The following DLG2 variants were observed in gnomAD, a reference collection of about 807,000 sequenced individuals.
DLG2 encodes the protein disks large homolog 2.
In DLG2, 45 loss-of-function variants were observed where a neutral mutation model predicts 132.5. The observed-to-expected ratio is 0.34, with a 90% CI of 0.27 to 0.44. The LOEUF (loss-of-function observed/expected upper bound fraction) is 0.44. Among genes scored for constraint, DLG2 ranks in the 20% least tolerant of loss-of-function variants. The pLI, the probability that DLG2 is intolerant of heterozygous loss-of-function variation, is 1.00. For missense variants in DLG2, 1,045 were observed against 1,196.9 expected, an observed-to-expected ratio of 0.87 and a Z score of 1.87; for synonymous variants, 424 against 419.6, an observed-to-expected ratio of 1.01 and a Z score of -0.13.
At chr11:83,792,939 T>A (rs959498805) in intron 17 of DLG2, among the ~76,000 whole-genome samples, 13 of 152,194 alleles carry the variant, frequency 8.5e-5, no homozygotes, top group African/African-American at 2.7e-4. Context: ...CTCACACTCT[T>A]GTAATAGTTA....
intron 6 of DLG2, among the ~76,000 whole-genome samples, chr11:84,978,107 T>G (rs533644475): frequency 6.6e-6 from 1 of 152,240 alleles, no homozygotes; most frequent in Admixed American, 6.5e-5. Context: ...TTTGTTAAGG[T>G]ACACTGAAAA....
At chr11:83,492,089 A>G (rs1288747907) in intron 21 of DLG2, among the ~76,000 whole-genome samples, 1 of 152,038 alleles carries the variant, frequency 6.6e-6, no homozygotes, top group South Asian at 2.1e-4. Flanking sequence ...TGGCCTGCAA[A>G]GCCTAAAATA....
At chr11:84,087,063 G>A (rs1052622607) in intron 10 of DLG2, among the ~76,000 whole-genome samples, 6 of 152,148 alleles carry the variant, frequency 3.9e-5, no homozygotes, top group African/African-American at 1.2e-4. Context: ...CCCATCAATG[G>A]ACATTTGGGT....
chr11:85,494,495 T>C (rs1329971135), intron 3 of DLG2, among the ~76,000 whole-genome samples: 1 of 151,964 alleles, frequency 6.6e-6, no homozygotes, highest in Non-Finnish European at 1.5e-5. Flanking sequence ...ACAAACAAGA[T>C]TAAAAAAAAG....
intron 6 of DLG2, among the ~76,000 whole-genome samples, chr11:84,726,481 T>C (rs755535389): frequency 5.3e-5 from 8 of 152,178 alleles, no homozygotes; most frequent in Non-Finnish European, 1.0e-4. Context: ...CCATGGTGTA[T>C]ATGTGCCACA....
intron 6 of DLG2, among the ~76,000 whole-genome samples, chr11:84,843,936 A>T (rs945787611): frequency 6.6e-6 from 1 of 150,824 alleles, no homozygotes; most frequent in Non-Finnish European, 1.5e-5. Context: ...TGTTCCCATT[A>T]TATGTCCTAT....
intron 8 of DLG2, among the ~76,000 whole-genome samples, chr11:84,223,884 A>G (rs1358692445): frequency 6.6e-6 from 1 of 152,118 alleles, no homozygotes; most frequent in African/African-American, 2.4e-5. Flanking sequence ...ATCATGCACA[A>G]ATATAAAGAC....
At chr11:83,869,139 G>A (rs2062946057) in intron 16 of DLG2, among the ~76,000 whole-genome samples, 1 of 152,096 alleles carries the variant, frequency 6.6e-6, no homozygotes, top group Non-Finnish European at 1.5e-5. Flanking sequence ...AGTAAGAAAT[G>A]TTAGATCTGG....
chr11:83,786,087 T>A (rs1566956647), intron 18 of DLG2, among the ~76,000 whole-genome samples: 1 of 152,362 alleles, frequency 6.6e-6, no homozygotes, highest in East Asian at 1.9e-4. Flanking sequence ...CGGAAACAGA[T>A]GTTTAAATAA....
At chr11:84,769,588 G>C (rs1039323026) in intron 6 of DLG2, among the ~76,000 whole-genome samples, 2 of 152,150 alleles carry the variant, frequency 1.3e-5, no homozygotes, top group Non-Finnish European at 2.9e-5. Context: ...CACTGATCTT[G>C]CTAGAGAGGT....
chr11:84,233,166 C>T (rs2097115571), intron 8 of DLG2, among the ~76,000 whole-genome samples: 2 of 152,114 alleles, frequency 1.3e-5, no homozygotes, highest in South Asian at 4.1e-4. Flanking sequence ...GAGACCTCCT[C>T]CCTAGCCACA....
chr11:83,520,075 C>T (rs1004184248), intron 21 of DLG2, among the ~76,000 whole-genome samples: 2 of 152,158 alleles, frequency 1.3e-5, no homozygotes, highest in Admixed American at 1.3e-4. Context: ...CAGGAAAAAC[C>T]ACCACATCAA....
At chr11:84,314,781 T>C (rs918198219) in intron 7 of DLG2, among the ~76,000 whole-genome samples, 1 of 151,812 alleles carries the variant, frequency 6.6e-6, no homozygotes, top group African/African-American at 2.4e-5. Flanking sequence ...AGTGAGACAT[T>C]TGAATACATA....
intron 8 of DLG2, among the ~76,000 whole-genome samples, chr11:84,205,544 C>A: frequency 9.3e-6 from 1 of 107,398 alleles, no homozygotes. Context: ...CTGAGAATAA[C>A]AGAATTAAAT....
chr11:85,100,268 GATA>G (rs550354987), intron 6 of DLG2, among the ~76,000 whole-genome samples: 61 of 152,162 alleles, frequency 4.0e-4, no homozygotes, highest in Non-Finnish European at 7.5e-4. Context: ...CTCTAGTGCT[GATA>G]ATAATAATAT....
intron 6 of DLG2, among the ~76,000 whole-genome samples, chr11:84,943,167 C>CAT (rs1043599877): frequency 7.3e-6 from 1 of 137,800 alleles, no homozygotes; most frequent in African/African-American, 2.7e-5. Context: ...TGTGTGTGTG[C>CAT]GTGTGTGTGT....
intron 6 of DLG2, among the ~76,000 whole-genome samples, chr11:84,874,480 C>G (rs2086005744): frequency 6.6e-6 from 1 of 151,956 alleles, no homozygotes; most frequent in Non-Finnish European, 1.5e-5. Flanking sequence ...GGGTAATCAC[C>G]CAGCATTTTG....
intron 11 of DLG2, among the ~76,000 whole-genome samples, chr11:84,030,852 G>A (rs114039724): frequency 3.4e-4 from 52 of 152,194 alleles, no homozygotes; most frequent in African/African-American, 1.2e-3. Context: ...GAGTTGAGAG[G>A]AGGGAAACTG....
intron 18 of DLG2, among the ~76,000 whole-genome samples, chr11:83,668,492 G>A (rs1250409702): frequency 2.0e-5 from 3 of 151,960 alleles, no homozygotes; most frequent in Non-Finnish European, 2.9e-5. Context: ...GTTTTTCTTA[G>A]CCCTACTAAG....
Sources: gnomAD v4.1 joint callset for allele counts (sites outside exome capture counted in the v4.1 genomes callset) on GRCh38, gnomAD v4.1.1 for gene constraint, MANE v1.5 for transcripts, NCBI Gene and HGNC (gene_info 2026-07-23, HGNC 2026-07-21) for gene names.